The following PDE8A variants were observed in gnomAD, a reference collection of about 807,000 sequenced individuals.
PDE8A encodes high affinity cAMP-specific and IBMX-insensitive 3',5'-cyclic phosphodiesterase 8A.
PDE8A carries 59 observed loss-of-function variants against 105.0 expected under a neutral mutation model. The ratio of observed to expected loss-of-function variants is 0.56; its 90% CI spans 0.46 to 0.70. PDE8A has a LOEUF of 0.70. PDE8A is among the 30% of genes least tolerant of loss of function. The pLI, the probability that PDE8A is intolerant of heterozygous loss-of-function variation, is 0.00. For missense variants in PDE8A, 1,014 were observed against 1,045.9 expected, an observed-to-expected ratio of 0.97 and a Z score of 0.42; for synonymous variants, 355 against 371.9, an observed-to-expected ratio of 0.95 and a Z score of 0.52.
At chr15:84,982,728 G>A (rs1311039776) in intron 1 of PDE8A, among the ~76,000 whole-genome samples, 1 of 152,234 alleles carries the variant, frequency 6.6e-6, no homozygotes, top group African/African-American at 2.4e-5. Context: ...CCCCTGCAAT[G>A]TTAAATCAGT....
In PDE8A at chr15:85,114,915, G is replaced by A. The variant is rs112248242; in HGVS notation, c.1351-524G>A. Reference sequence around the variant, plus strand: ...GGAGAAAAGGGGCTGCTGAGAGTACGGGTTTGGGCCAGGTGGTCTGGAAGC... The same window carrying A: ...GGAGAAAAGGGGCTGCTGAGAGTACAGGTTTGGGCCAGGTGGTCTGGAAGC... On this transcript the variant is annotated intron_variant, in intron 14 of 21. Transcript: ENST00000394553. 2.3e-3 allele frequency among the ~76,000 whole-genome samples: 348 copies of A among 152,194 alleles called. 1 individual carries two copies. The highest frequency in any genetic ancestry group is 8.0e-3 in the African/African-American group (334 of 41,522).
Position 85,098,842 on chromosome 15 carries a change from G to T in PDE8A, c.941+806G>T, listed in dbSNP as rs375052171. ...TAGGTGTGGTGACACACACCTATCA[G>T]TTACTTCAGGGGGCCGATGTGGGAG... On this transcript the variant is annotated intron_variant, in intron 9 of 21. Coordinates refer to ENST00000394553, the MANE Select transcript of PDE8A (RefSeq NM_002605.3). 4.6e-5 allele frequency among the ~76,000 whole-genome samples: 7 copies of T among 151,954 alleles called. No homozygotes were observed. In the East Asian group the frequency reaches 9.7e-4, roughly 21 times the overall value.
chr15:85,065,601 A>G (rs772403795), intron 2 of PDE8A, among the ~76,000 whole-genome samples: 39 of 152,322 alleles, frequency 2.6e-4, no homozygotes, highest in Non-Finnish European at 3.5e-4. Context: ...GCTGACAGAA[A>G]TGTGTGCTCT....
intron 1 of PDE8A, among the ~76,000 whole-genome samples, chr15:85,007,300 T>C (rs1355579306): frequency 6.6e-6 from 1 of 151,568 alleles, no homozygotes; most frequent in African/African-American, 2.4e-5. Context: ...GCATGGGTGG[T>C]GGTGGTAAGT....
At chr15:85,023,223 G>A (rs973159078) in intron 1 of PDE8A, among the ~76,000 whole-genome samples, 1 of 152,202 alleles carries the variant, frequency 6.6e-6, no homozygotes. Flanking sequence ...CGCTGAATAG[G>A]GAAAGTGTTG....
chr15:85,076,110 T>C (rs1567268153), intron 4 of PDE8A, among the ~76,000 whole-genome samples, 192 bp downstream of exon 4: 1 of 152,182 alleles, frequency 6.6e-6, no homozygotes, highest in Non-Finnish European at 1.5e-5. Context: ...TCATGCTAGA[T>C]TTTTGTGATT....
chr15:85,042,591 CA>C (rs1443096815), intron 1 of PDE8A, among the ~76,000 whole-genome samples: 1 of 152,134 alleles, frequency 6.6e-6, no homozygotes, highest in Non-Finnish European at 1.5e-5. Context: ...CTTTCAGTCT[CA>C]AAACTCACTT....
chr15:85,121,088 C>T lies in PDE8A; in HGVS notation c.1952+74C>T. On this transcript the variant is annotated intron_variant, in intron 18 of 21. Coordinates refer to ENST00000394553, the MANE Select transcript of PDE8A (RefSeq NM_002605.3). ...AACAGCTATATTGAGATATAATTCA[C>T]ATCTTATACAGTTCACCCATTTAAA... 9.8e-6 allele frequency: 9 copies of T among 922,412 alleles called. No homozygotes were observed. In the South Asian group the frequency reaches 1.5e-4, roughly 15 times the overall value. 57.1% of individuals were successfully genotyped at this position (922,412 alleles called of 1,614,324 possible). A position where few individuals can be genotyped will look rare whatever the true frequency, so the allele number is the denominator to read the frequency against.
intron 1 of PDE8A, among the ~76,000 whole-genome samples, chr15:85,029,845 G>A (rs1192336967): frequency 6.6e-6 from 1 of 152,164 alleles, no homozygotes; most frequent in African/African-American, 2.4e-5. Flanking sequence ...TCTAGAGTCT[G>A]GAAGTCAAGT....
At chr15:85,015,519 T>C (rs1035926364) in intron 1 of PDE8A, among the ~76,000 whole-genome samples, 4 of 152,218 alleles carry the variant, frequency 2.6e-5, no homozygotes, top group Non-Finnish European at 4.4e-5. Context: ...TTGCTAGGTG[T>C]TGTTCAATTT....
chr15:85,097,913 C>G lies in PDE8A; in HGVS notation c.853-35C>G, dbSNP rs772075949. 7 of 1,174,226 alleles carry G rather than the reference C, an allele frequency of 6.0e-6. No homozygotes were observed. The Admixed American group carries it at 1.1e-4, about 18-fold the overall frequency. The allele number at this position is 1,174,226 out of a possible 1,614,324, so 72.7% of individuals were successfully genotyped here. On this transcript the variant is annotated intron_variant, in intron 8 of 21. Transcript: ENST00000394553. ...AATGTTCTTGGGTTTATGTTTTCAA[C>G]ACAAAGTATGACGATGCTTACATTC...
chr15:85,000,863 C>T (rs1040903695), intron 1 of PDE8A, among the ~76,000 whole-genome samples: 3 of 152,198 alleles, frequency 2.0e-5, no homozygotes, highest in Admixed American at 1.3e-4. Context: ...AATTTTTATC[C>T]CACCTTATCC....
chr15:85,004,538 G>A (rs1249070443), intron 1 of PDE8A, among the ~76,000 whole-genome samples: 1 of 152,222 alleles, frequency 6.6e-6, no homozygotes, highest in South Asian at 2.1e-4. Flanking sequence ...AAGCTCGCAA[G>A]AGCTGACCCT....
Position 85,123,196 on chromosome 15 carries a change from A to G in PDE8A, c.2085+3A>G. 6.2e-7 allele frequency: 1 copy of G among 1,613,946 alleles called. No homozygotes were observed. Among genetic ancestry groups the G allele is most frequent in the Non-Finnish European group, 8.5e-7 (1 of 1,179,866 alleles). On this transcript the variant is annotated splice_donor_region_variant and intron_variant, in intron 19 of 21. Transcript: ENST00000394553. Reference sequence around the variant, plus strand: ...TGGCAACACTAGAAGAAAATGGGGTAAGGGAAACTTATTGCAAAGAGAACC... The same window carrying G: ...TGGCAACACTAGAAGAAAATGGGGTGAGGGAAACTTATTGCAAAGAGAACC...
intron 6 of PDE8A, among the ~76,000 whole-genome samples, chr15:85,085,204 T>G (rs1348330446): frequency 6.6e-6 from 1 of 152,232 alleles, no homozygotes; most frequent in East Asian, 1.9e-4. Flanking sequence ...TCTCCCATCA[T>G]GCCCTGCTTT....
intron 1 of PDE8A, among the ~76,000 whole-genome samples, chr15:85,035,876 C>A (rs12899693): frequency 0.12 from 17,919 of 152,218 alleles, 1,323 homozygotes; most frequent in South Asian, 0.23. Flanking sequence ...AAGCTGCCTT[C>A]ATTCCTTGGT....
chr15:85,072,034 A>G lies in PDE8A; in HGVS notation c.435-3828A>G, dbSNP rs146555302. Among the ~76,000 whole-genome samples the G allele has an allele frequency of 5.9e-5, 9 of 152,338 alleles. No individual in the cohort carries two copies. In the Middle Eastern group the frequency reaches 0.017, roughly 288 times the overall value. Reference sequence around the variant, plus strand: ...AGGAAATAAAAAAAGTACTACTTGAAAACCCAAAACGCATTAACAGAATTA... The same window carrying G: ...AGGAAATAAAAAAAGTACTACTTGAGAACCCAAAACGCATTAACAGAATTA... On this transcript the variant is annotated intron_variant, in intron 3 of 21. Coordinates refer to ENST00000394553, the MANE Select transcript of PDE8A (RefSeq NM_002605.3).
chr15:84,982,712 G>A (rs1028394255), intron 1 of PDE8A, among the ~76,000 whole-genome samples: 1 of 152,192 alleles, frequency 6.6e-6, no homozygotes, highest in Non-Finnish European at 1.5e-5. Context: ...AGGATATTCT[G>A]GCGCGCCCCT....
chr15:85,024,085 T>C (rs1247143298), intron 1 of PDE8A, among the ~76,000 whole-genome samples: 1 of 152,180 alleles, frequency 6.6e-6, no homozygotes, highest in Non-Finnish European at 1.5e-5. Context: ...GCCTACCTTC[T>C]CTACCTGGCT....
Sources: allele counts gnomAD v4.1 joint callset (sites outside exome capture counted in the v4.1 genomes callset), GRCh38; gene constraint gnomAD v4.1.1; transcripts MANE v1.5; gene names NCBI Gene and HGNC (gene_info 2026-07-23, HGNC 2026-07-21).